The following NUP205 variants were observed in gnomAD, a reference collection of about 807,000 sequenced individuals.
NUP205 encodes the protein nucleoporin 205.
Under a neutral mutation model 253.8 loss-of-function variants are expected in NUP205, and 76 were observed. That is an observed-to-expected ratio of 0.30 (90% CI 0.25 to 0.36). NUP205 has a LOEUF of 0.36. Among genes scored for constraint, NUP205 ranks in the 10% least tolerant of loss-of-function variants. The pLI, the probability that NUP205 is intolerant of heterozygous loss-of-function variation, is 1.00. For synonymous variants in NUP205, 832 were observed against 850.1 expected (o/e 0.98, Z 0.37); for missense variants, 2,162 against 2,425.5 (o/e 0.89, Z 2.28).
At chr7:135,590,101 T>TTTTA (rs34590734) in intron 10 of NUP205, among the ~76,000 whole-genome samples, 13,103 of 149,934 alleles carry the variant, frequency 0.087, 1,024 homozygotes, top group Non-Finnish European at 0.14. Flanking sequence ...TATATTATTA[T>TTTTA]TTTATTTATT....
chr7:135,616,981 T>G, intron 25 of NUP205, 109 bp from the exon 26 acceptor site: 1 of 809,826 alleles, frequency 1.2e-6, no homozygotes, highest in Non-Finnish European at 1.9e-6. Flanking sequence ...CTTGACTATT[T>G]TATGCTCTTT....
At chr7:135,627,201 T>C (rs1276703030) in intron 33 of NUP205, among the ~76,000 whole-genome samples, 1 of 152,208 alleles carries the variant, frequency 6.6e-6, no homozygotes, top group Admixed American at 6.5e-5. Flanking sequence ...GCCATTTTTT[T>C]GGTCTAAAAA....
intron 1 of NUP205, among the ~76,000 whole-genome samples, chr7:135,566,500 A>C (rs1563107538): frequency 6.6e-6 from 1 of 152,152 alleles, no homozygotes. Flanking sequence ...TTTTAATCAG[A>C]AGATTGGAAA....
intron 17 of NUP205, 53 bp downstream of exon 17, chr7:135,601,560 T>C: frequency 6.4e-7 from 1 of 1,555,718 alleles, no homozygotes; most frequent in South Asian, 1.2e-5. Flanking sequence ...GTTTTCATCT[T>C]TTGTAAACTG....
At position 135,606,913 on chromosome 7, in the gene NUP205, C is replaced by G; in HGVS notation, c.3068C>G (p.Pro1023Arg). 2 of 1,613,378 alleles carry G rather than the reference C, an allele frequency of 1.2e-6. No homozygotes were observed. Among genetic ancestry groups the G allele is most frequent in the Non-Finnish European group, 1.7e-6 (2 of 1,179,540 alleles). Reference protein sequence around the residue: ...KPVSTTNLQDPGVLGCPRTCL... With the variant: ...KPVSTTNLQDRGVLGCPRTCL... ...GTCAGTACTACAAACCTACAAGATCCAGGTATAGCCTAAGACATAAAGGCA... is the reference window on the plus strand; with the variant it reads ...GTCAGTACTACAAACCTACAAGATCGAGGTATAGCCTAAGACATAAAGGCA... The change falls in exon 21 of 43, where the codon CCA becomes CGA. Residue 1023 changes from proline (P) to arginine (R), a missense_variant and splice_region_variant. Transcript: ENST00000285968.
intron 1 of NUP205, among the ~76,000 whole-genome samples, chr7:135,570,366 C>T (rs981603394): frequency 2.0e-5 from 3 of 151,570 alleles, no homozygotes; most frequent in African/African-American, 4.8e-5. Flanking sequence ...ATGTGCGCAC[C>T]ACCACACCCG....
intron 1 of NUP205, among the ~76,000 whole-genome samples, chr7:135,570,029 T>TTTTATATATATA (rs1332254650): frequency 1.0e-4 from 10 of 98,588 alleles, no homozygotes; most frequent in African/African-American, 3.5e-4. Context: ...TGTTTATGTT[T>TTTTATATATATA]TATATATATA....
At chr7:135,621,753 G>A (rs151024084) in intron 30 of NUP205, among the ~76,000 whole-genome samples, 121 of 151,914 alleles carry the variant, frequency 8.0e-4, no homozygotes, top group East Asian at 2.7e-3. Context: ...TTTTTTGGAG[G>A]CAAATTTTTG....
intron 42 of NUP205, 38 bp from the exon 43 acceptor site, chr7:135,648,366 C>A (rs757859828): frequency 2.7e-6 from 4 of 1,481,362 alleles, no homozygotes; most frequent in Admixed American, 5.3e-5. Flanking sequence ...ATATTTGAGA[C>A]AACAATTTTA....
chr7:135,578,764 A>C lies in NUP205; in HGVS notation c.891A>C (p.Gln297His), dbSNP rs753529425. 1.9e-6 allele frequency: 3 copies of C among 1,598,078 alleles called. No individual in the cohort carries two copies. Among genetic ancestry groups the C allele is most frequent in the Admixed American group, 1.8e-5 (1 of 55,866 alleles). The change falls in exon 7 of 43, where the codon CAA (glutamine) becomes CAC (histidine). Residue 297 changes from glutamine to histidine, a missense_variant. Physicochemically the swap from Gln to His is conservative, Grantham distance 24. This residue lies in a region of NUP205 where 892 missense variants were observed against 957.1 expected (regional missense o/e 0.93). Transcript: ENST00000285968. Reference protein sequence around the residue: ...STEERDDMIHQLPLLTEKQYI... With the variant: ...STEERDDMIHHLPLLTEKQYI... ...TTGTGTTTTCAGATATGATTCATCA[A>C]CTTCCACTGTTGACAGAAAAACAGT...
intron 10 of NUP205, among the ~76,000 whole-genome samples, chr7:135,589,568 A>G (rs1275563509): frequency 6.6e-6 from 1 of 151,334 alleles, no homozygotes; most frequent in Non-Finnish European, 1.5e-5. Context: ...GATTGTAGGC[A>G]TGAGCCACTG....
chr7:135,575,264 C>T (rs1806121127), intron 3 of NUP205, among the ~76,000 whole-genome samples: 1 of 152,106 alleles, frequency 6.6e-6, no homozygotes, highest in African/African-American at 2.4e-5. Context: ...GAACTCTTAA[C>T]AACATCATGA....
chr7:135,623,555 G>A (rs897026086), intron 31 of NUP205, among the ~76,000 whole-genome samples: 3 of 152,170 alleles, frequency 2.0e-5, no homozygotes, highest in African/African-American at 7.2e-5. Context: ...AAATTGCCTT[G>A]TACTGAATAG....
At chr7:135,599,780 G>C (rs1423004656) in intron 15 of NUP205, among the ~76,000 whole-genome samples, 1 of 152,028 alleles carries the variant, frequency 6.6e-6, no homozygotes, top group East Asian at 1.9e-4. Context: ...CCTCAATTTT[G>C]TGAATTTATT....
At chr7:135,598,333 A>G (rs1475306903) in intron 15 of NUP205, 126 bp downstream of exon 15, 25 of 866,134 alleles carry the variant, frequency 2.9e-5, no homozygotes, top group Non-Finnish European at 4.2e-5. Flanking sequence ...TTGTTTTGAA[A>G]TATCTATGAA....
chr7:135,624,367 AATTTTT>A (rs780893883), intron 31 of NUP205, among the ~76,000 whole-genome samples: 51 of 144,056 alleles, frequency 3.5e-4, no homozygotes, highest in Non-Finnish European at 6.4e-4. Context: ...ATGCTGGGGT[AATTTTT>A]ATTTTTATTT....
intron 15 of NUP205, chr7:135,599,022 A>G (rs187998734): frequency 3.3e-5 from 5 of 152,192 alleles, no homozygotes; most frequent in Non-Finnish European, 7.3e-5. Flanking sequence ...GTTGGCGCAG[A>G]TCAAGACTCC....
chr7:135,616,275 G>A (rs745665292), intron 24 of NUP205, among the ~76,000 whole-genome samples: 1 of 151,798 alleles, frequency 6.6e-6, no homozygotes. Flanking sequence ...TAATCATACC[G>A]GTATTATATA....
chr7:135,629,926 A>G (rs1794675710), intron 34 of NUP205, among the ~76,000 whole-genome samples: 1 of 152,230 alleles, frequency 6.6e-6, no homozygotes, highest in Non-Finnish European at 1.5e-5. Context: ...TTCATAGAAC[A>G]GCTTCTTGAA....
Sources: allele counts gnomAD v4.1 joint callset (sites outside exome capture counted in the v4.1 genomes callset), GRCh38; gene constraint gnomAD v4.1.1; regional missense constraint gnomAD v4.1.1; transcripts MANE v1.5; gene names NCBI Gene and HGNC (gene_info 2026-07-23, HGNC 2026-07-21).